The following NKAIN3 variants were observed in gnomAD, a reference collection of about 807,000 sequenced individuals.
NKAIN3 encodes the protein sodium/potassium-transporting ATPase subunit beta-1-interacting protein 3.
NKAIN3 carries 25 observed loss-of-function variants against 30.2 expected under a neutral mutation model. That is an observed-to-expected ratio of 0.83 (90% CI 0.60 to 1.16). The LOEUF (loss-of-function observed/expected upper bound fraction) is 1.16. Ranked by LOEUF, NKAIN3 falls within the 50% of genes most tolerant of loss-of-function variation. The pLI is 0.00. For missense variants in NKAIN3, 225 were observed against 254.1 expected (o/e 0.89, Z 0.78); for synonymous variants, 91 against 89.6 (o/e 1.02, Z -0.09).
At chr8:62,343,646 C>T (rs556052196) in intron 1 of NKAIN3, among the ~76,000 whole-genome samples, 1 of 151,768 alleles carries the variant, frequency 6.6e-6, no homozygotes, top group African/African-American at 2.4e-5. Context: ...CCCATGCCTT[C>T]AAAAAAATTT....
chr8:62,507,555 T>C (rs1161728712), intron 1 of NKAIN3, among the ~76,000 whole-genome samples: 2 of 152,200 alleles, frequency 1.3e-5, no homozygotes, highest in Non-Finnish European at 2.9e-5. Context: ...TTTTGCCAAA[T>C]GCTATACCTT....
chr8:62,439,522 C>T (rs1413346394), intron 1 of NKAIN3, among the ~76,000 whole-genome samples: 1 of 152,312 alleles, frequency 6.6e-6, no homozygotes. Flanking sequence ...AGTGTCTCTG[C>T]ACTTAAGCAT....
At chr8:62,861,979 C>A (rs1820254730) in intron 4 of NKAIN3, among the ~76,000 whole-genome samples, 2 of 152,202 alleles carry the variant, frequency 1.3e-5, no homozygotes, top group Admixed American at 6.5e-5. Context: ...TATAAAATAT[C>A]TTTTTATTAT....
In NKAIN3 at chr8:62,908,284, G is replaced by T. The variant is rs1005243061; in HGVS notation, c.472-10169G>T. On this transcript the variant is annotated intron_variant, in intron 4 of 6. Coordinates refer to ENST00000623646, the MANE Select transcript of NKAIN3 (RefSeq NM_001304533.3). ...ATTGTATCTTGGAAGTAATTAACATGCTTTTGATTTTACAGGCTCATAGGT... is the reference window on the plus strand; with the variant it reads ...ATTGTATCTTGGAAGTAATTAACATTCTTTTGATTTTACAGGCTCATAGGT... 2.0e-5 allele frequency among the ~76,000 whole-genome samples: 3 copies of T among 152,266 alleles called. No individual in the cohort carries two copies. The South Asian group carries it at 6.2e-4, about 32-fold the overall frequency.
rs539470387 is a variant in NKAIN3 at position 62,550,026 on chromosome 8, G to A, written c.55-29513G>A. Reference sequence around the variant, plus strand: ...AAGTATGAATGGATCCTATTAGTGAGATAAAAACTAGTTATGGAGACCAAG... The same window carrying A: ...AAGTATGAATGGATCCTATTAGTGAAATAAAAACTAGTTATGGAGACCAAG... On this transcript the variant is annotated intron_variant, in intron 1 of 6. Transcript: ENST00000623646. Among the ~76,000 whole-genome samples the A allele has an allele frequency of 2.0e-5, 3 of 151,224 alleles. No homozygotes were observed. The Admixed American group carries it at 2.0e-4, about 10-fold the overall frequency.
At chr8:62,830,259 G>T (rs574223949) in intron 4 of NKAIN3, among the ~76,000 whole-genome samples, 2 of 152,114 alleles carry the variant, frequency 1.3e-5, no homozygotes, top group African/African-American at 4.8e-5. Flanking sequence ...TAGACTTTTT[G>T]TAGCCACTTA....
intron 1 of NKAIN3, among the ~76,000 whole-genome samples, chr8:62,282,132 C>T (rs1204639704): frequency 6.6e-6 from 1 of 152,108 alleles, no homozygotes; most frequent in African/African-American, 2.4e-5. Flanking sequence ...AAGCCGACCC[C>T]AGACCCTGGG....
chr8:62,270,498 A>G (rs1218977617), intron 1 of NKAIN3, among the ~76,000 whole-genome samples: 1 of 152,142 alleles, frequency 6.6e-6, no homozygotes. Flanking sequence ...GTTATAATTT[A>G]TGAGAACTAT....
At chr8:62,965,279 G>T (rs992603740) in intron 6 of NKAIN3, 75 bp from the exon 7 acceptor site, 1 of 985,486 alleles carries the variant, frequency 1.0e-6, no homozygotes. Context: ...CATTTCAAAA[G>T]GCCTCAATGA....
rs16930023 is a variant in NKAIN3, at chr8:62,980,026, G to A, written c.*14619G>A. ...GCTTTTGTCTTCTCAGGGCAAATAG[G>A]AAATCCTAGACCTCAGATCACTGTT... On this transcript the variant is annotated 3_prime_UTR_variant, in exon 7 of 7. Coordinates refer to ENST00000623646, the MANE Select transcript of NKAIN3 (RefSeq NM_001304533.3). 42,909 of 152,008 alleles carry A rather than the reference G, an allele frequency of 0.28. 6,284 individuals carry two copies. Among genetic ancestry groups the A allele is most frequent in the South Asian group, 0.38 (1,813 of 4,810 alleles). The allele number at this position is 152,008 out of a possible 1,614,324, so 9.4% of individuals were successfully genotyped here.
chr8:62,465,047 G>A (rs1411582627), intron 1 of NKAIN3, among the ~76,000 whole-genome samples: 3 of 151,968 alleles, frequency 2.0e-5, no homozygotes, highest in Non-Finnish European at 4.4e-5. Context: ...ATTAAATATC[G>A]CATTTCCAAC....
intron 4 of NKAIN3, among the ~76,000 whole-genome samples, chr8:62,803,738 A>C (rs1422520011): frequency 6.6e-5 from 10 of 152,230 alleles, no homozygotes; most frequent in Non-Finnish European, 8.8e-5. Flanking sequence ...TTCAAAAGCT[A>C]GCAGAAGGCA....
chr8:62,756,220 A>G (rs114261229), intron 4 of NKAIN3, among the ~76,000 whole-genome samples: 2,525 of 152,256 alleles, frequency 0.017, 67 homozygotes, highest in African/African-American at 0.059. Context: ...GAAAGAAAGC[A>G]CCACCCCTTA....
At chr8:62,396,134 T>C (rs899960993) in intron 1 of NKAIN3, among the ~76,000 whole-genome samples, 3 of 152,222 alleles carry the variant, frequency 2.0e-5, no homozygotes, top group Admixed American at 6.5e-5. Context: ...GTGTAATGTT[T>C]AGTGTTAATT....
intron 4 of NKAIN3, among the ~76,000 whole-genome samples, chr8:62,821,896 C>T (rs903678404): frequency 4.0e-5 from 6 of 151,244 alleles, no homozygotes; most frequent in African/African-American, 1.2e-4. Context: ...AATAAAAATT[C>T]GGCGAATTTT....
At chr8:62,817,134 C>A (rs910444854) in intron 4 of NKAIN3, among the ~76,000 whole-genome samples, 1 of 152,136 alleles carries the variant, frequency 6.6e-6, no homozygotes, top group Non-Finnish European at 1.5e-5. Flanking sequence ...CCAGTGTTCT[C>A]CCTTAGACAT....
intron 6 of NKAIN3, among the ~76,000 whole-genome samples, chr8:62,957,457 C>A (rs938430061): frequency 6.6e-6 from 1 of 152,076 alleles, no homozygotes; most frequent in African/African-American, 2.4e-5. Context: ...TTCATAATTA[C>A]CAAAACTTGA....
At chr8:62,352,530 C>G (rs1816214496) in intron 1 of NKAIN3, among the ~76,000 whole-genome samples, 1 of 152,138 alleles carries the variant, frequency 6.6e-6, no homozygotes, top group Admixed American at 6.6e-5. Flanking sequence ...ATGCATGAGC[C>G]AGTCAGAGGC....
chr8:62,288,193 G>T (rs1813444286), intron 1 of NKAIN3, among the ~76,000 whole-genome samples: 1 of 152,176 alleles, frequency 6.6e-6, no homozygotes. Context: ...GGCTTCGTGA[G>T]AACAGTGTTT....
Sources: gnomAD v4.1 joint callset for allele counts (sites outside exome capture counted in the v4.1 genomes callset) on GRCh38, gnomAD v4.1.1 for gene constraint, MANE v1.5 for transcripts, NCBI Gene and HGNC (gene_info 2026-07-23, HGNC 2026-07-21) for gene names.